OTOG: variants seen among roughly 807,000 people sequenced by gnomAD.
OTOG encodes the protein otogelin.
A neutral mutation model predicts 313.8 loss-of-function variants in OTOG; 296 were observed. The observed-to-expected ratio is 0.94, with a 90% CI of 0.86 to 1.04. The LOEUF (loss-of-function observed/expected upper bound fraction) is 1.04. Ranked by LOEUF, OTOG falls within the 50% of genes least tolerant of loss-of-function variation. The pLI, the probability that OTOG is intolerant of heterozygous loss-of-function variation, is 0.00. For missense variants in OTOG, 3,948 were observed against 3,840.1 expected (o/e 1.03, Z -0.74); for synonymous variants, 1,533 against 1,554.9 (o/e 0.99, Z 0.33).
chr11:17,633,762 A>G lies in OTOG; in HGVS notation c.7155A>G (p.Leu2385=). Residue 2385 remains leucine, a synonymous_variant, in exon 43 of 56, where the codon CTA becomes CTG. Coordinates refer to ENST00000399397, the MANE Select transcript of OTOG (RefSeq NM_001292063.2). ...CCAAGACATGCCAGGATGGGATACT[A>G]GGGCCTCTGGACCCAGAGCACTGCC... ...EPPKTCQDGI[L]GPLDPEHCQV... 1 of 1,550,434 alleles carries G rather than the reference A, an allele frequency of 6.4e-7. No individual in the cohort carries two copies. Among genetic ancestry groups the G allele is most frequent in the Non-Finnish European group, 8.7e-7 (1 of 1,146,938 alleles).
chr11:17,609,813 C>T lies in OTOG; in HGVS notation c.4513C>T (p.Leu1505Phe), dbSNP rs865972850. 1 of 1,543,326 alleles carries T rather than the reference C, an allele frequency of 6.5e-7. No homozygotes were observed. Among genetic ancestry groups the T allele is most frequent in the Admixed American group, 2.0e-5 (1 of 50,552 alleles). Residue 1505 changes from leucine (L) to phenylalanine (F), a missense_variant, in exon 36 of 56, where the codon CTC becomes TTC. Transcript: ENST00000399397. ...HRPALTPAAPLTTALNPPVTA... is the reference protein window; with the variant it reads ...HRPALTPAAPFTTALNPPVTA... ...GCCAGCCCTCACCCCAGCTGCCCCA[C>T]TCACCACAGCCCTGAACCCACCAGT...
chr11:17,586,134 C>T (rs1373574897), intron 23 of OTOG, among the ~76,000 whole-genome samples: 3 of 152,186 alleles, frequency 2.0e-5, no homozygotes, highest in Non-Finnish European at 2.9e-5. Context: ...GGAGGGTCAT[C>T]GCCCATATCC....
At chr11:17,611,783 C>G (rs1853555067) in intron 36 of OTOG, among the ~76,000 whole-genome samples, 1 of 151,782 alleles carries the variant, frequency 6.6e-6, no homozygotes, top group African/African-American at 2.4e-5. Flanking sequence ...TTGAGACATC[C>G]TCATGTGCAT....
chr11:17,613,357 C>T (rs1331443131), intron 38 of OTOG, among the ~76,000 whole-genome samples: 2 of 102,496 alleles, frequency 2.0e-5, no homozygotes, highest in African/African-American at 7.1e-5. Context: ...TCCTTCCTTC[C>T]TTCCTTCCTT....
In OTOG at chr11:17,557,890, G is replaced by A. The variant is rs78455645; in HGVS notation, c.866-295G>A. 3.7e-3 allele frequency among the ~76,000 whole-genome samples: 562 copies of A among 152,292 alleles called. 6 individuals are homozygous for A. Among genetic ancestry groups the A allele is most frequent in the African/African-American group, 0.013 (522 of 41,544 alleles). Reference sequence around the variant, plus strand: ...AACTGAGGCTCAGAGAGACACAGGAGCTTGTTCAGGCTCACACACCAGTTC... The same window carrying A: ...AACTGAGGCTCAGAGAGACACAGGAACTTGTTCAGGCTCACACACCAGTTC... On this transcript the variant is annotated intron_variant, in intron 8 of 55. Transcript: ENST00000399397.
rs1162080293 is a variant in OTOG, at chr11:17,561,731, C to T, written c.1568C>T (p.Thr523Ile). 1 of 1,550,574 alleles carries T rather than the reference C, an allele frequency of 6.4e-7. No homozygotes were observed. Among genetic ancestry groups the T allele is most frequent in the Non-Finnish European group, 8.7e-7 (1 of 1,146,988 alleles). The change falls in exon 15 of 56, where the codon ACA (threonine) becomes ATA (isoleucine). Residue 523 changes from threonine to isoleucine, a missense_variant. Coordinates refer to ENST00000399397, the MANE Select transcript of OTOG (RefSeq NM_001292063.2). ...FDGRRYTFPA[T>I]CQYILAKSRS... ...GGCCGCCGGTACACGTTCCCCGCCA[C>T]ATGTCAGTACATCCTGGCCAAGAGC...
At chr11:17,556,241 C>T (rs935142482) in intron 7 of OTOG, among the ~76,000 whole-genome samples, 2 of 152,224 alleles carry the variant, frequency 1.3e-5, no homozygotes, top group South Asian at 2.1e-4. Context: ...TTTCTACCTC[C>T]TCTCAGCAGA....
chr11:17,607,624 AG>A, intron 33 of OTOG, among the ~76,000 whole-genome samples: 1 of 152,356 alleles, frequency 6.6e-6, no homozygotes, highest in Admixed American at 6.5e-5. Flanking sequence ...TTTAAGAGTT[AG>A]CCCAGCCGCC....
At position 17,576,880 on chromosome 11, in the gene OTOG, T is replaced by G. The variant is rs577408823; in HGVS notation, c.2574T>G (p.Asp858Glu). ...TCTCTCTCTGCAGCCACTGCAAAGA[T>G]GGAGTCATGAGCTGTGATAGCAGAG... ...IPSLGHCHCK[D>E]GVMSCDSRAP... is the part of the protein sequence containing the mutation. The change falls in exon 22 of 56, where the codon GAT becomes GAG. Residue 858 changes from aspartate to glutamate, a missense_variant. Coordinates refer to ENST00000399397, the MANE Select transcript of OTOG (RefSeq NM_001292063.2). 6.5e-7 allele frequency: 1 copy of G among 1,550,276 alleles called. No individual in the cohort carries two copies. The highest frequency in any genetic ancestry group is 1.4e-5 in the African/African-American group (1 of 73,022).
chr11:17,599,637 G>T, intron 30 of OTOG, 34 bp from the exon 31 acceptor site: 1 of 1,550,324 alleles, frequency 6.5e-7, no homozygotes, highest in Non-Finnish European at 8.7e-7. Context: ...GCTCTGGGCT[G>T]GCTCTCAGGA....
Position 17,609,891 on chromosome 11 carries a change from C to A in OTOG, c.4591C>A (p.Gln1531Lys). The A allele has an allele frequency of 6.6e-7, 1 of 1,514,808 alleles. No individual in the cohort carries two copies. Among genetic ancestry groups the A allele is most frequent in the South Asian group, 1.3e-5 (1 of 77,834 alleles). The allele number at this position is 1,514,808 out of a possible 1,614,324, so 93.8% of individuals were successfully genotyped here. A position where few individuals can be genotyped will look rare whatever the true frequency, so the allele number is the denominator to read the frequency against. Residue 1531 changes from glutamine to lysine, a missense_variant, in exon 36 of 56, where the codon CAG (glutamine) becomes AAG (lysine). Gln to Lys is a moderately conservative substitution (Grantham distance 53). Coordinates refer to ENST00000399397, the MANE Select transcript of OTOG (RefSeq NM_001292063.2). Reference protein sequence around the residue: ...VSPGPTQTTLQQPLELTASQL... With the variant: ...VSPGPTQTTLKQPLELTASQL... Reference sequence around the variant, plus strand: ...TCCAGGCCCCACCCAGACCACCCTGCAGCAGCCACTGGAGCTCACTGCATC... The same window carrying A: ...TCCAGGCCCCACCCAGACCACCCTGAAGCAGCCACTGGAGCTCACTGCATC...
chr11:17,632,217 G>T lies in OTOG; in HGVS notation c.7063G>T (p.Asp2355Tyr). ...TGTGTGCATCGAGTGGCGGCGCTCT[G>T]ACTACTGCCGTGAGTTTGCGGGGCA... ...FHVCIEWRRS[D>Y]YCPFLCSSDS... Residue 2355 changes from aspartate to tyrosine, a missense_variant, in exon 42 of 56, where the codon GAC becomes TAC. Transcript: ENST00000399397. 2 of 1,550,002 alleles carry T rather than the reference G, an allele frequency of 1.3e-6. No individual in the cohort carries two copies. Among genetic ancestry groups the T allele is most frequent in the Middle Eastern group, 1.7e-4 (1 of 5,950 alleles).
At chr11:17,642,754 G>C (rs1275079828) in intron 53 of OTOG, among the ~76,000 whole-genome samples, 1 of 152,134 alleles carries the variant, frequency 6.6e-6, no homozygotes, top group Non-Finnish European at 1.5e-5. Flanking sequence ...TGGGGTTATT[G>C]TTGAATTATT....
At chr11:17,613,195 T>TTTCTTTCCTTTCTTTCTTTC (rs1401646180) in intron 38 of OTOG, among the ~76,000 whole-genome samples, 2 of 65,368 alleles carry the variant, frequency 3.1e-5, no homozygotes, top group Middle Eastern at 7.1e-3. Context: ...TCTTTCTTTC[T>TTTCTTTCCTTTCTTTCTTTC]TTTCTTTCTT....
Position 17,605,885 on chromosome 11 carries a change from A to G in OTOG, c.3906A>G (p.Ala1302=), listed in dbSNP as rs1853371486. The part of the protein sequence containing the change: ...HDPDVVSLEA[A]DRPNFFLHVT... ...CAGATGTGGTGTCCCTGGAGGCAGC[A>G]GACAGACCCAACTTCTTCCTTCACG... The change falls in exon 33 of 56, where the codon GCA becomes GCG. Residue 1302 remains alanine (A), a synonymous_variant. Coordinates refer to ENST00000399397, the MANE Select transcript of OTOG (RefSeq NM_001292063.2). 6.5e-7 allele frequency: 1 copy of G among 1,548,788 alleles called. No individual in the cohort carries two copies. Among genetic ancestry groups the G allele is most frequent in the South Asian group, 1.2e-5 (1 of 83,836 alleles).
At position 17,606,099 on chromosome 11, in the gene OTOG, G is replaced by A. The variant is rs554530166; in HGVS notation, c.4120G>A (p.Glu1374Lys). 9.7e-6 allele frequency: 15 copies of A among 1,546,912 alleles called. No homozygotes were observed. In the African/African-American group the frequency reaches 2.1e-4, roughly 21 times the overall value. ...GGCCCTGCGGCTGTACGAACACACAGAGGTGTTCCGCCGGGGCACACTCTT... is the reference window on the plus strand; with the variant it reads ...GGCCCTGCGGCTGTACGAACACACAAAGGTGTTCCGCCGGGGCACACTCTT... Reference protein sequence around the residue: ...VLALRLYEHTEVFRRGTLFRL... With the variant: ...VLALRLYEHTKVFRRGTLFRL... The change falls in exon 33 of 56, where the codon GAG (glutamate) becomes AAG (lysine). Residue 1374 changes from glutamate to lysine, a missense_variant. Glu to Lys is a moderately conservative substitution (Grantham distance 56). Coordinates refer to ENST00000399397, the MANE Select transcript of OTOG (RefSeq NM_001292063.2).
chr11:17,595,626 T>C (rs568924012), intron 28 of OTOG, among the ~76,000 whole-genome samples: 84 of 152,262 alleles, frequency 5.5e-4, no homozygotes, highest in Non-Finnish European at 8.4e-4. Flanking sequence ...TACATTCAGC[T>C]CCTTGCAACT....
chr11:17,632,343 T>C, intron 42 of OTOG, 117 bp downstream of exon 42: 1 of 951,480 alleles, frequency 1.1e-6, no homozygotes, highest in Non-Finnish European at 1.4e-6. Context: ...TAATCATTCA[T>C]GGATTTATGT....
chr11:17,638,880 G>C, intron 48 of OTOG: 2 of 996,418 alleles, frequency 2.0e-6, no homozygotes, highest in Non-Finnish European at 2.8e-6. Flanking sequence ...GGTGGATCAT[G>C]AGGTCAGGAG....
Sources: allele counts gnomAD v4.1 joint callset (sites outside exome capture counted in the v4.1 genomes callset), GRCh38; gene constraint gnomAD v4.1.1; transcripts MANE v1.5; gene names NCBI Gene and HGNC (gene_info 2026-07-23, HGNC 2026-07-21).